CAMTA1: variants seen among roughly 807,000 people sequenced by gnomAD.
CAMTA1 encodes the protein calmodulin binding transcription activator 1.
Under a neutral mutation model 170.9 loss-of-function variants are expected in CAMTA1, and 27 were observed. The ratio of observed to expected loss-of-function variants is 0.16; its 90% confidence interval spans 0.12 to 0.22. The LOEUF is 0.22. Ranked by LOEUF, CAMTA1 falls within the 10% of genes least tolerant of loss-of-function variation. The pLI is 1.00. For synonymous variants in CAMTA1, 833 were observed against 891.5 expected, an observed-to-expected ratio of 0.93 and a Z score of 1.17; for missense variants, 1,619 against 2,217.2, an observed-to-expected ratio of 0.73 and a Z score of 5.42.
chr1:7,144,226 G>T lies in CAMTA1; in HGVS notation c.302+52855G>T, dbSNP rs920780519. ...TGCCTTCTTGCTATGTCCTCAGATG[G>T]CCTTTTCTAAGTGTGTGTGTGTGTG... On this transcript the variant is annotated intron_variant, in intron 4 of 22. Coordinates refer to ENST00000303635, the MANE Select transcript of CAMTA1 (RefSeq NM_015215.4). The surrounding 1 kb of genome is among the most constrained non-coding windows in gnomAD (Gnocchi z 4.0). Among the ~76,000 whole-genome samples, 2 of 150,762 alleles carry T rather than the reference G, an allele frequency of 1.3e-5. No homozygotes were observed. The highest frequency in any genetic ancestry group is 2.9e-5 in the Non-Finnish European group (2 of 67,986).
At chr1:6,876,082 C>T (rs1273176064) in intron 3 of CAMTA1, among the ~76,000 whole-genome samples, 3 of 152,158 alleles carry the variant, frequency 2.0e-5, no homozygotes, top group Non-Finnish European at 2.9e-5. Flanking sequence ...ACTTGATCAC[C>T]ACAGAAGCCA....
chr1:7,232,333 G>A (rs989963688), intron 4 of CAMTA1, among the ~76,000 whole-genome samples: 8 of 152,180 alleles, frequency 5.3e-5, no homozygotes, highest in Admixed American at 2.0e-4. Flanking sequence ...TCGCTTCCCC[G>A]GAGGCACCGA....
intron 6 of CAMTA1, among the ~76,000 whole-genome samples, chr1:7,611,744 G>T (rs1157152226): frequency 6.6e-6 from 1 of 152,236 alleles, no homozygotes; most frequent in African/African-American, 2.4e-5. Context: ...AGGGTAAGGT[G>T]GGGGCAGCTG....
chr1:7,686,155 T>G (rs1345464718), intron 11 of CAMTA1, among the ~76,000 whole-genome samples: 1 of 152,178 alleles, frequency 6.6e-6, no homozygotes, highest in Non-Finnish European at 1.5e-5. Flanking sequence ...CAGGCACTGT[T>G]CTGGGCTCTG....
At chr1:7,712,074 GTATT>G (rs1395307022) in intron 11 of CAMTA1, among the ~76,000 whole-genome samples, 1 of 152,174 alleles carries the variant, frequency 6.6e-6, no homozygotes, top group Non-Finnish European at 1.5e-5. Flanking sequence ...ATACAAGTAT[GTATT>G]GCAAAACAAG....
At chr1:7,498,923 G>A (rs1206114904) in intron 6 of CAMTA1, among the ~76,000 whole-genome samples, 1 of 80,146 alleles carries the variant, frequency 1.2e-5, no homozygotes, top group African/African-American at 8.6e-5. Context: ...GTATGTATAT[G>A]AGTGTGTGTG....
rs1480512315 is a variant in CAMTA1 at position 7,520,996 on chromosome 1, A to C, written c.510+53095A>C. Among the ~76,000 whole-genome samples the C allele has an allele frequency of 2.6e-5, 4 of 152,182 alleles. No individual in the cohort carries two copies. The East Asian group carries it at 5.8e-4, about 22-fold the overall frequency. Reference sequence around the variant, plus strand: ...CAGCACTTGATATTAGTGGTTCCCAAATACTTGTCTTCAATCCTGTATTGC... The same window carrying C: ...CAGCACTTGATATTAGTGGTTCCCACATACTTGTCTTCAATCCTGTATTGC... On this transcript the variant is annotated intron_variant, in intron 6 of 22. Transcript: ENST00000303635.
chr1:7,374,223 G>A (rs910869673), intron 5 of CAMTA1, among the ~76,000 whole-genome samples: 2 of 152,228 alleles, frequency 1.3e-5, no homozygotes, highest in East Asian at 1.9e-4. Context: ...GGTGAAATTC[G>A]AATAGAGCCC....
intron 5 of CAMTA1, among the ~76,000 whole-genome samples, chr1:7,302,406 C>T (rs146280870): frequency 5.6e-4 from 85 of 152,232 alleles, no homozygotes; most frequent in African/African-American, 1.8e-3. Flanking sequence ...CTTTTCATCC[C>T]CTGTTTTATG....
chr1:7,400,643 A>T (rs1402915229), intron 5 of CAMTA1, among the ~76,000 whole-genome samples: 10 of 152,118 alleles, frequency 6.6e-5, no homozygotes, highest in Admixed American at 6.5e-4. Context: ...ATAGGGAAAG[A>T]CTTTCATCTT....
At chr1:6,787,618 T>C (rs1042789344) in intron 1 of CAMTA1, among the ~76,000 whole-genome samples, 4 of 152,314 alleles carry the variant, frequency 2.6e-5, no homozygotes, top group Admixed American at 2.6e-4. Context: ...ATTAACGTTG[T>C]TGGTAACTCT....
In CAMTA1 at chr1:6,918,990, G is replaced by A. The variant is rs549991642; in HGVS notation, c.234+93780G>A. Among the ~76,000 whole-genome samples, 1 of 152,198 alleles carries A rather than the reference G, an allele frequency of 6.6e-6. No individual in the cohort carries two copies. The highest frequency in any genetic ancestry group is 1.5e-5 in the Non-Finnish European group (1 of 68,034). Reference sequence around the variant, plus strand: ...AAGCCAAAGAGCTGAACATTGGAAGGCCTCCTTACCATTTTTGAAATGAAG... The same window carrying A: ...AAGCCAAAGAGCTGAACATTGGAAGACCTCCTTACCATTTTTGAAATGAAG... On this transcript the variant is annotated intron_variant, in intron 3 of 22. Transcript: ENST00000303635. This position sits in a 1 kb window ranked among gnomAD's most constrained non-coding sequence, Gnocchi z 4.0.
At chr1:7,018,547 C>G (rs146944005) in intron 3 of CAMTA1, among the ~76,000 whole-genome samples, 61 of 152,258 alleles carry the variant, frequency 4.0e-4, no homozygotes, top group South Asian at 1.2e-3. Flanking sequence ...CAAATCCTCT[C>G]TCCCGCTTCT....
intron 3 of CAMTA1, among the ~76,000 whole-genome samples, chr1:7,024,070 T>G (rs1372051151): frequency 7.3e-6 from 1 of 137,704 alleles, no homozygotes. Flanking sequence ...AAGAAACAAA[T>G]AGTTAAGCAT....
intron 6 of CAMTA1, among the ~76,000 whole-genome samples, chr1:7,494,151 C>CAAA (rs201225081): frequency 0.06 from 6,797 of 113,164 alleles, 191 homozygotes; most frequent in South Asian, 0.14. Flanking sequence ...ATCTGCTGTT[C>CAAA]AAAAAAAAAA....
intron 6 of CAMTA1, among the ~76,000 whole-genome samples, chr1:7,523,869 T>A (rs3118494): frequency 6.7e-6 from 1 of 149,834 alleles, no homozygotes; most frequent in Admixed American, 6.7e-5. Context: ...GACGACAGAG[T>A]GAGACTCTAT....
chr1:7,276,138 A>G (rs559799495), intron 5 of CAMTA1, among the ~76,000 whole-genome samples: 153 of 150,354 alleles, frequency 1.0e-3, no homozygotes, highest in African/African-American at 3.6e-3. Flanking sequence ...TATTGACCAT[A>G]TAATCATCTC....
chr1:6,908,604 G>T (rs1679058118), intron 3 of CAMTA1, among the ~76,000 whole-genome samples: 1 of 152,200 alleles, frequency 6.6e-6, no homozygotes, highest in African/African-American at 2.4e-5. Flanking sequence ...CATAGTTGTG[G>T]ATTATAGTCC....
rs574813241 is a variant in CAMTA1 at position 7,173,147 on chromosome 1, C to G, written c.303-76344C>G. On this transcript the variant is annotated intron_variant, in intron 4 of 22. Coordinates refer to ENST00000303635, the MANE Select transcript of CAMTA1 (RefSeq NM_015215.4). This position sits in a 1 kb window ranked among gnomAD's most constrained non-coding sequence, Gnocchi z 5.4. ...CCTTCCTCAGGAGAGACAGAAAGAGCCTTTGGCTGCCCTCTGTCCTCTTGA... is the reference window on the plus strand; with the variant it reads ...CCTTCCTCAGGAGAGACAGAAAGAGGCTTTGGCTGCCCTCTGTCCTCTTGA... Among the ~76,000 whole-genome samples the G allele has an allele frequency of 3.9e-5, 6 of 152,180 alleles. No homozygotes were observed. Among genetic ancestry groups the G allele is most frequent in the South Asian group, 2.1e-4 (1 of 4,828 alleles).
Sources: allele counts gnomAD v4.1 joint callset (sites outside exome capture counted in the v4.1 genomes callset), GRCh38; gene constraint gnomAD v4.1.1; non-coding constraint Gnocchi (gnomAD v3.1); transcripts MANE v1.5; gene names NCBI Gene and HGNC (gene_info 2026-07-23, HGNC 2026-07-21).